Variants in DMD observed in about 807,000 individuals in gnomAD.
DMD encodes dystrophin.
In DMD, 63 loss-of-function variants were observed where a neutral mutation model predicts 330.1. The ratio of observed to expected loss-of-function variants is 0.19; its 90% CI spans 0.16 to 0.24. DMD has a LOEUF of 0.24. DMD is among the 10% of genes least tolerant of loss of function. DMD has a pLI of 1.00. For missense variants in DMD, 3,344 were observed against 2,684.1 expected (o/e 1.25, Z -5.43); for synonymous variants, 1,223 against 959.8 (o/e 1.27, Z -5.07).
chrX:32,766,221 T>G (rs2072964689), intron 7 of DMD, among the ~76,000 whole-genome samples: 1 of 111,597 alleles, frequency 9.0e-6, no homozygotes, highest in Non-Finnish European at 1.9e-5. Context: ...GTTGTCTATT[T>G]CTGCAGAAAA....
At position 32,870,980 on chromosome X, in the gene DMD, A is replaced by AAAAAAAAAAG. The variant is rs770375159; in HGVS notation, c.94-21161_94-21160insCTTTTTTTTT. Among the ~76,000 whole-genome samples the AAAAAAAAAAG allele has an allele frequency of 8.3e-3, 310 of 37,145 alleles. 19 individuals are homozygous for AAAAAAAAAAG. Among genetic ancestry groups the AAAAAAAAAAG allele is most frequent in the African/African-American group, 0.017 (181 of 10,554 alleles). The allele number at this position is 37,145 out of a possible 115,157, so 32.3% of individuals were successfully genotyped here. On this transcript the variant is annotated intron_variant, in intron 2 of 78. Transcript: ENST00000357033. The stretch of plus-strand genomic sequence containing the variant: ...CAGCAAAAAAAAAAAAAAAAAAAAA[A>AAAAAAAAAAG]AAAAAAAACCACAAAACCCATCATC...
chrX:32,602,615 T>C (rs1025190026), intron 12 of DMD, among the ~76,000 whole-genome samples: 2 of 111,509 alleles, frequency 1.8e-5, no homozygotes, highest in Admixed American at 9.5e-5. Context: ...CTTTTTCCTC[T>C]ATTTTAAAGA....
chrX:32,689,903 T>A (rs1001393148), intron 9 of DMD, among the ~76,000 whole-genome samples: 2 of 110,658 alleles, frequency 1.8e-5, no homozygotes, highest in African/African-American at 6.5e-5. Flanking sequence ...AGAAGGAAAT[T>A]GCTTCAATGT....
intron 44 of DMD, among the ~76,000 whole-genome samples, chrX:32,033,357 A>T (rs183298938): frequency 1.6e-3 from 179 of 110,612 alleles, no homozygotes; most frequent in Non-Finnish European, 2.6e-3. Context: ...TGTAGTATTT[A>T]TTAAGATGAT....
At chrX:31,480,024 G>A (rs745548208) in intron 57 of DMD, among the ~76,000 whole-genome samples, 3 of 111,979 alleles carry the variant, frequency 2.7e-5, no homozygotes, top group Non-Finnish European at 3.8e-5. Context: ...ATTAATAAAA[G>A]TATTAAGTGC....
At chrX:31,224,668 T>A (rs910310743) in intron 63 of DMD, among the ~76,000 whole-genome samples, 3 of 111,872 alleles carry the variant, frequency 2.7e-5, no homozygotes, top group African/African-American at 9.8e-5. Flanking sequence ...AAAAAATGTA[T>A]GTCCACAAAA....
intron 41 of DMD, among the ~76,000 whole-genome samples, chrX:32,337,672 G>C (rs898002372): frequency 1.8e-5 from 2 of 110,378 alleles, no homozygotes; most frequent in African/African-American, 6.6e-5. Context: ...TCTCGAATAA[G>C]TCTTGTTTTT....
intron 29 of DMD, among the ~76,000 whole-genome samples, chrX:32,426,180 C>A (rs370710076): frequency 5.6e-4 from 63 of 111,789 alleles, no homozygotes; most frequent in African/African-American, 1.9e-3. Flanking sequence ...TGAACTCTGT[C>A]AACAGAGTAA....
chrX:31,445,396 G>A (rs2079444895), intron 59 of DMD, among the ~76,000 whole-genome samples: 1 of 111,585 alleles, frequency 9.0e-6, no homozygotes, highest in Admixed American at 9.5e-5. Context: ...CCTGCCTCTA[G>A]AATATATATT....
Position 33,101,387 on chromosome X carries a change from GGAGGCC to G in DMD, c.32-81193_32-81188del, listed in dbSNP as rs1314742001. On this transcript the variant is annotated intron_variant, in intron 1 of 78. Transcript: ENST00000357033. ...TCACGCCCATAATCTCAGCACTTTG[GGAGGCC>G]GAGGCACGCGGATCACCTGAGGTCA... 6.2e-5 allele frequency among the ~76,000 whole-genome samples: 7 copies of G among 112,211 alleles called. No homozygotes were observed. The Admixed American group carries it at 6.6e-4, about 11-fold the overall frequency.
At chrX:31,686,717 C>T (rs73457870) in intron 52 of DMD, among the ~76,000 whole-genome samples, 1,125 of 111,934 alleles carry the variant, frequency 0.01, 15 homozygotes, top group African/African-American at 0.035. Flanking sequence ...GTTGGCATAT[C>T]CTATTGCCTG....
intron 44 of DMD, among the ~76,000 whole-genome samples, chrX:32,110,111 AATTTCATTT>A (rs1481267046): frequency 8.9e-6 from 1 of 111,935 alleles, no homozygotes; most frequent in Non-Finnish European, 1.9e-5. Context: ...TTGCCAGTCA[AATTTCATTT>A]GTTCTTGTTT....
chrX:31,232,804 G>T (rs934783092), intron 63 of DMD, among the ~76,000 whole-genome samples: 3 of 111,683 alleles, frequency 2.7e-5, no homozygotes, highest in Non-Finnish European at 5.6e-5. Flanking sequence ...GTGGGAGAAG[G>T]CACTGGAAAC....
At chrX:32,252,978 A>G (rs2477762) in intron 43 of DMD, among the ~76,000 whole-genome samples, 5 of 94,156 alleles carry the variant, frequency 5.3e-5, no homozygotes, top group Admixed American at 4.2e-4. Flanking sequence ...TTGTGTGTGT[A>G]TATATATTTA....
At chrX:31,341,891 G>GCGCGCGCGCACACACACA (rs374298104) in intron 61 of DMD, among the ~76,000 whole-genome samples, 45 of 98,876 alleles carry the variant, frequency 4.6e-4, no homozygotes, top group Non-Finnish European at 8.4e-4. Context: ...GTGCGCGCGC[G>GCGCGCGCGCACACACACA]CACACACACA....
intron 47 of DMD, among the ~76,000 whole-genome samples, chrX:31,881,396 C>CAA (rs34731646): frequency 2.8e-4 from 23 of 81,013 alleles, no homozygotes; most frequent in African/African-American, 8.4e-4. Context: ...ACTAAAAATA[C>CAA]AAAAAAAAAA....
intron 43 of DMD, among the ~76,000 whole-genome samples, chrX:32,230,460 C>T (rs746111343): frequency 2.1e-3 from 235 of 110,953 alleles, no homozygotes; most frequent in Non-Finnish European, 3.8e-3. Context: ...TTGGCCAGGA[C>T]GGTCTCGATC....
intron 63 of DMD, among the ~76,000 whole-genome samples, chrX:31,238,857 A>C (rs1482455022): frequency 3.6e-5 from 4 of 111,972 alleles, no homozygotes; most frequent in African/African-American, 1.3e-4. Context: ...CACAAGGACC[A>C]CAGGGAGGGA....
intron 6 of DMD, among the ~76,000 whole-genome samples, chrX:32,816,145 C>A (rs1456079545): frequency 2.7e-5 from 3 of 111,605 alleles, no homozygotes; most frequent in Middle Eastern, 4.7e-3. Context: ...AAAAGACCAA[C>A]ACCATTCTCG....
Sources: gnomAD v4.1 joint callset for allele counts (sites outside exome capture counted in the v4.1 genomes callset) on GRCh38, gnomAD v4.1.1 for gene constraint, MANE v1.5 for transcripts, NCBI Gene and HGNC (gene_info 2026-07-23, HGNC 2026-07-21) for gene names.